The following MET variants were observed in gnomAD, a reference collection of about 807,000 sequenced individuals.
MET encodes the protein MET proto-oncogene, receptor tyrosine kinase.
A neutral mutation model predicts 133.1 loss-of-function variants in MET; 48 were observed. The ratio of observed to expected loss-of-function variants is 0.36; its 90% CI spans 0.29 to 0.46. The LOEUF (loss-of-function observed/expected upper bound fraction) is 0.46, where lower values mean the gene tolerates loss of function less well. Ranked by LOEUF, MET falls within the 20% of genes least tolerant of loss-of-function variation. MET has a pLI of 1.00. For synonymous variants in MET, 628 were observed against 616.5 expected (o/e 1.02, Z -0.28); for missense variants, 1,442 against 1,695.9 (o/e 0.85, Z 2.63).
Position 116,758,681 on chromosome 7 carries a change from G to A in MET, c.2264+61G>A, listed in dbSNP as rs34986275. The A allele has an allele frequency of 4.4e-3, 6,769 of 1,542,410 alleles. 28 individuals are homozygous for A. The highest frequency in any genetic ancestry group is 5.7e-3 in the Non-Finnish European group (6,358 of 1,119,780). On this transcript the variant is annotated intron_variant, in intron 9 of 20. Coordinates refer to ENST00000397752, the MANE Select transcript of MET (RefSeq NM_000245.4). ...TGAATACAAGGATGATTTTGCTGTA[G>A]AATAGTCAAGAGGAATTGCAGTTTT...
At chr7:116,783,574 A>C in intron 19 of MET, 105 bp downstream of exon 19, 1 of 1,155,644 alleles carries the variant, frequency 8.7e-7, no homozygotes, top group Non-Finnish European at 1.3e-6. Flanking sequence ...AACACCACCA[A>C]TTCCAGTTTT....
At chr7:116,711,233 T>C (rs1198904741) in intron 2 of MET, among the ~76,000 whole-genome samples, 2 of 152,222 alleles carry the variant, frequency 1.3e-5, no homozygotes, top group Non-Finnish European at 2.9e-5. Flanking sequence ...CTTATTCTTG[T>C]CTATCAACCT....
At chr7:116,678,211 A>C (rs1317988356) in intron 1 of MET, among the ~76,000 whole-genome samples, 2 of 152,228 alleles carry the variant, frequency 1.3e-5, no homozygotes, top group African/African-American at 4.8e-5. Context: ...TGCCCAAGCT[A>C]GCAGCCCTCC....
intron 1 of MET, among the ~76,000 whole-genome samples, chr7:116,693,746 G>A (rs1048723230): frequency 4.6e-5 from 7 of 152,174 alleles, no homozygotes; most frequent in African/African-American, 7.2e-5. Flanking sequence ...TTTGGAAAGC[G>A]TTTTATTTAT....
chr7:116,696,600 C>T (rs1796974745), intron 1 of MET, among the ~76,000 whole-genome samples: 1 of 152,216 alleles, frequency 6.6e-6, no homozygotes, highest in Non-Finnish European at 1.5e-5. Context: ...CCTCACTGAC[C>T]TTAACCTTCC....
At position 116,741,036 on chromosome 7, in the gene MET, C is replaced by G. The variant is rs2116838534; in HGVS notation, c.1701+11C>G. The stretch of plus-strand genomic sequence containing the variant: ...CCTGCAATCTACAAGGTAGGAATCT[C>G]TAACAGCTGGCATACATGTTTTTGT... On this transcript the variant is annotated intron_variant, in intron 5 of 20. Transcript: ENST00000397752. 1 of 1,609,408 alleles carries G rather than the reference C, an allele frequency of 6.2e-7. No homozygotes were observed. Among genetic ancestry groups the G allele is most frequent in the Non-Finnish European group, 8.5e-7 (1 of 1,178,404 alleles).
chr7:116,785,683 A>G (rs1277741585), intron 19 of MET, among the ~76,000 whole-genome samples: 1 of 152,232 alleles, frequency 6.6e-6, no homozygotes, highest in East Asian at 1.9e-4. Flanking sequence ...AAAGGAGTAG[A>G]AGCAGGAAGA....
intron 2 of MET, among the ~76,000 whole-genome samples, chr7:116,716,533 GA>G (rs1017482688): frequency 7.1e-6 from 1 of 140,766 alleles, no homozygotes; most frequent in Non-Finnish European, 1.6e-5. Flanking sequence ...AAGAAAGAAA[GA>G]AAGAAGATAT....
Position 116,769,947 on chromosome 7 carries a change from C to T in MET, c.2730+156C>T, listed in dbSNP as rs1246863396. ...TAGTTGTTATTTTAGAAATAGTGAG[C>T]TTTTTGCCACATTGTCTCCTTCCCC... On this transcript the variant is annotated intron_variant, in intron 12 of 20. Coordinates refer to ENST00000397752, the MANE Select transcript of MET (RefSeq NM_000245.4). The T allele has an allele frequency of 6.4e-6, 7 of 1,085,854 alleles. No homozygotes were observed. The East Asian group carries it at 1.8e-4, about 28-fold the overall frequency. The allele number at this position is 1,085,854 out of a possible 1,614,324, so 67.3% of individuals were successfully genotyped here.
chr7:116,723,680 T>G (rs1057161088), intron 2 of MET, among the ~76,000 whole-genome samples: 22 of 152,174 alleles, frequency 1.4e-4, no homozygotes, highest in African/African-American at 3.9e-4. Flanking sequence ...GTCCTTTCTG[T>G]TTGTTAGTTT....
At position 116,726,057 on chromosome 7, in the gene MET, A is replaced by G. The variant is rs558442118; in HGVS notation, c.1201-5611A>G. On this transcript the variant is annotated intron_variant, in intron 2 of 20. Coordinates refer to ENST00000397752, the MANE Select transcript of MET (RefSeq NM_000245.4). ...GTCTCTCAAAAAAGAAACTAAAACA[A>G]TAAGATAGAATCTTATGGGACCACC... Among the ~76,000 whole-genome samples, 130 of 144,146 alleles carry G rather than the reference A, an allele frequency of 9.0e-4. 1 individual carries two copies. The highest frequency in any genetic ancestry group is 3.2e-3 in the African/African-American group (125 of 39,246). 94.6% of individuals were successfully genotyped at this position (144,146 alleles called of 152,430 possible).
At chr7:116,771,790 G>T in intron 13 of MET, 59 bp from the exon 14 acceptor site, 1 of 1,612,236 alleles carries the variant, frequency 6.2e-7, no homozygotes, top group South Asian at 1.1e-5. Flanking sequence ...CTGGGTCAAA[G>T]TCTCCTGGGG....
chr7:116,766,947 C>T (rs1338353503), intron 11 of MET, among the ~76,000 whole-genome samples: 1 of 152,130 alleles, frequency 6.6e-6, no homozygotes, highest in African/African-American at 2.4e-5. Flanking sequence ...GAACTCAGTT[C>T]TGAAGCTGTC....
At position 116,699,150 on chromosome 7, in the gene MET, C is replaced by A. The variant is rs773018125; in HGVS notation, c.66C>A (p.Ser22Arg). ...TCCTGTTTACCTTGGTGCAGAGGAG[C>A]AATGGGGAGTGTAAAGAGGCACTAG... ...LVLLFTLVQR[S>R]NGECKEALAK... The change falls in exon 2 of 21, where the codon AGC becomes AGA. Residue 22 changes from serine to arginine, a missense_variant. This residue lies in a region of MET where 762 missense variants were observed against 792.4 expected (regional missense o/e 0.96). Transcript: ENST00000397752. 2 of 1,613,852 alleles carry A rather than the reference C, an allele frequency of 1.2e-6. No individual in the cohort carries two copies. Among genetic ancestry groups the A allele is most frequent in the Non-Finnish European group, 1.7e-6 (2 of 1,179,886 alleles).
chr7:116,746,041 G>A (rs1026878880), intron 5 of MET, among the ~76,000 whole-genome samples: 15 of 152,134 alleles, frequency 9.9e-5, no homozygotes, highest in African/African-American at 3.6e-4. Flanking sequence ...TCTGACAAAG[G>A]GCTAATATCC....
intron 2 of MET, among the ~76,000 whole-genome samples, chr7:116,730,293 G>T (rs986091685): frequency 6.6e-6 from 1 of 152,190 alleles, no homozygotes; most frequent in African/African-American, 2.4e-5. Flanking sequence ...AGGCCTGCTC[G>T]CTGGAGCACT....
chr7:116,686,505 T>A (rs1337791530), intron 1 of MET, among the ~76,000 whole-genome samples: 1 of 152,188 alleles, frequency 6.6e-6, no homozygotes, highest in Non-Finnish European at 1.5e-5. Context: ...CAGCTTGTTA[T>A]GGGTATTAAT....
chr7:116,717,103 T>C (rs1043941272), intron 2 of MET, among the ~76,000 whole-genome samples: 3 of 152,212 alleles, frequency 2.0e-5, no homozygotes, highest in Non-Finnish European at 2.9e-5. Flanking sequence ...GCACATCAGA[T>C]GGAGTCCTCT....
rs750155301 is a variant in MET, at chr7:116,739,927, G to A, written c.1393-23G>A. 6.2e-7 allele frequency: 1 copy of A among 1,613,992 alleles called. No homozygotes were observed. Among genetic ancestry groups the A allele is most frequent in the Non-Finnish European group, 8.5e-7 (1 of 1,179,882 alleles). ...AAACTGAGCTTGTTGGAATAAGGAT[G>A]TTATAACTTTTTTGCTGTTTAGGTT... is the stretch of plus-strand genomic sequence containing the variant. On this transcript the variant is annotated intron_variant, in intron 3 of 20. Coordinates refer to ENST00000397752, the MANE Select transcript of MET (RefSeq NM_000245.4).
Sources: gnomAD v4.1 joint callset for allele counts (sites outside exome capture counted in the v4.1 genomes callset) on GRCh38, gnomAD v4.1.1 for gene constraint, gnomAD v4.1.1 regional missense constraint, MANE v1.5 for transcripts, NCBI Gene and HGNC (gene_info 2026-07-23, HGNC 2026-07-21) for gene names.